Variants in PDE6B observed in about 807,000 individuals in gnomAD.
The protein encoded by PDE6B is phosphodiesterase 6B, also known as rod cGMP-specific 3',5'-cyclic phosphodiesterase subunit beta.
In PDE6B, 106 loss-of-function variants were observed where a neutral mutation model predicts 109.0. The ratio of observed to expected loss-of-function variants is 0.97; its 90% confidence interval spans 0.83 to 1.14. PDE6B has a LOEUF of 1.14. Ranked by LOEUF, PDE6B falls within the 50% of genes most tolerant of loss-of-function variation. The pLI, the probability that PDE6B is intolerant of heterozygous loss-of-function variation, is 0.00. For synonymous variants in PDE6B, 490 were observed against 471.3 expected (o/e 1.04, Z -0.51); for missense variants, 1,193 against 1,155.6 (o/e 1.03, Z -0.47).
Position 642,725 on chromosome 4 carries a change from C to CAAAAAAAAAAAAAAAAAAAAAAAAAAAA in PDE6B, c.711+6781_711+6782insAAAAAAAAAAAAAAAAAAAAAAAAAAAA, listed in dbSNP as rs71636506. ...CCAACCTGGACAACAGACACTGTCT[C>CAAAAAAAAAAAAAAAAAAAAAAAAAAAA]AAAAAAAAAAAAAAAAAAAAAAAAA... On this transcript the variant is annotated intron_variant, in intron 3 of 21. Coordinates refer to ENST00000496514, the MANE Select transcript of PDE6B (RefSeq NM_000283.4). Among the ~76,000 whole-genome samples the CAAAAAAAAAAAAAAAAAAAAAAAAAAAA allele has an allele frequency of 1.6e-4, 7 of 43,336 alleles. 1 individual carries two copies. The highest frequency in any genetic ancestry group is 6.5e-4 in the African/African-American group (7 of 10,704). 28.4% of individuals were successfully genotyped at this position (43,336 alleles called of 152,430 possible).
Position 658,999 on chromosome 4 carries a change from C to T in PDE6B, c.1449C>T (p.Asp483=), listed in dbSNP as rs202073030. ...LGKEPADCDE[D]ELGEILKEEL... is the part of the protein sequence containing the mutation. ...AGGAGCCTGCTGACTGCGATGAGGACGAGCTGGGCGAAATCCTGGTAAGAA... is the reference window on the plus strand; with the variant it reads ...AGGAGCCTGCTGACTGCGATGAGGATGAGCTGGGCGAAATCCTGGTAAGAA... The change falls in exon 11 of 22, where the codon GAC becomes GAT. Residue 483 remains aspartate, a synonymous_variant. Transcript: ENST00000496514. 1.7e-5 allele frequency: 27 copies of T among 1,613,218 alleles called. No individual in the cohort carries two copies. The highest frequency in any genetic ancestry group is 1.7e-4 in the Admixed American group (10 of 60,020).
chr4:669,556 A>G (rs1738248733), intron 21 of PDE6B, among the ~76,000 whole-genome samples: 1 of 59,578 alleles, frequency 1.7e-5, no homozygotes, highest in Admixed American at 1.6e-4. Flanking sequence ...CCGCTACGCC[A>G]TGCTATTCCC....
At chr4:644,369 TA>T (rs1735098818) in intron 3 of PDE6B, among the ~76,000 whole-genome samples, 1 of 152,052 alleles carries the variant, frequency 6.6e-6, no homozygotes, top group Non-Finnish European at 1.5e-5. Context: ...TCATTATTTT[TA>T]TTTTCAAAAT....
Position 665,243 on chromosome 4 carries a change from C to A in PDE6B, c.2194-12C>A. On this transcript the variant is annotated splice_polypyrimidine_tract_variant and intron_variant, in intron 18 of 21. Coordinates refer to ENST00000496514, the MANE Select transcript of PDE6B (RefSeq NM_000283.4). The surrounding 1 kb of genome is among the most constrained non-coding windows in gnomAD (Gnocchi z 4.0). ...CAGAGCTCCACAGACAGCTGCCTTCCTGTGCCTCCAGGTCGCACTTCTCGT... is the reference window on the plus strand; with the variant it reads ...CAGAGCTCCACAGACAGCTGCCTTCATGTGCCTCCAGGTCGCACTTCTCGT... The A allele has an allele frequency of 6.2e-7, 1 of 1,605,296 alleles. No individual in the cohort carries two copies. Among genetic ancestry groups the A allele is most frequent in the Non-Finnish European group, 8.5e-7 (1 of 1,172,818 alleles).
rs866539087 is a variant in PDE6B at position 663,714 on chromosome 4, G to A, written c.1921-56G>A. ...CCGAGGCGGAAGGGGCGGGGTCCCC[G>A]GGCACCCTGAGAGGTGGCCGCAGGG... On this transcript the variant is annotated intron_variant, in intron 15 of 21. Transcript: ENST00000496514. The surrounding 1 kb of genome is among the most constrained non-coding windows in gnomAD (Gnocchi z 4.0). 3.0e-6 allele frequency: 4 copies of A among 1,331,750 alleles called. No individual in the cohort carries two copies. The African/African-American group carries it at 4.4e-5, about 15-fold the overall frequency. 82.5% of individuals were successfully genotyped at this position (1,331,750 alleles called of 1,614,324 possible). A position where few individuals can be genotyped will look rare whatever the true frequency, so the allele number is the denominator to read the frequency against.
Position 663,175 on chromosome 4 carries a change from G to T in PDE6B, c.1908G>T (p.Leu636=). 1 of 1,595,668 alleles carries T rather than the reference G, an allele frequency of 6.3e-7. No individual in the cohort carries two copies. The highest frequency in any genetic ancestry group is 8.6e-7 in the Non-Finnish European group (1 of 1,163,176). ...ERHHLEFGKF[L]LSEETLNIYQ... is the part of the protein sequence containing the mutation. The stretch of plus-strand genomic sequence containing the variant: ...ACCACCTGGAGTTTGGGAAGTTCCT[G>T]CTCTCGGAGGAGGTTGGTATACTCA... The change falls in exon 15 of 22, where the codon CTG becomes CTT. Residue 636 remains leucine (L), a synonymous_variant. Transcript: ENST00000496514. The surrounding 1 kb of genome is among the most constrained non-coding windows in gnomAD (Gnocchi z 4.0).
rs1176210799 is a variant in PDE6B at position 666,692 on chromosome 4, C to T, written c.2352+78C>T. 2.1e-6 allele frequency: 2 copies of T among 936,108 alleles called. No homozygotes were observed. The highest frequency in any genetic ancestry group is 2.4e-5 in the East Asian group (1 of 41,234). The allele number at this position is 936,108 out of a possible 1,614,324, so 58.0% of individuals were successfully genotyped here. ...GGCAAGGGGGCGCGGGCTGGAGTCGCGTGGACTCACACGGGCCCGGCGGTG... is the reference window on the plus strand; with the variant it reads ...GGCAAGGGGGCGCGGGCTGGAGTCGTGTGGACTCACACGGGCCCGGCGGTG... On this transcript the variant is annotated intron_variant, in intron 20 of 21. Coordinates refer to ENST00000496514, the MANE Select transcript of PDE6B (RefSeq NM_000283.4). This position sits in a 1 kb window ranked among gnomAD's most constrained non-coding sequence, Gnocchi z 5.6.
At chr4:653,064 C>A in intron 3 of PDE6B, 1 of 452,072 alleles carries the variant, frequency 2.2e-6, no homozygotes, top group Non-Finnish European at 2.9e-6. Context: ...AATAAAGCTA[C>A]GAACATCTCA....
At chr4:653,293 G>A in intron 3 of PDE6B, 2 of 1,028,316 alleles carry the variant, frequency 1.9e-6, no homozygotes, top group African/African-American at 3.4e-5. Flanking sequence ...AGGAGGCAGA[G>A]AAAGGTGGCC....
intron 1 of PDE6B, among the ~76,000 whole-genome samples, chr4:631,341 T>C (rs1734373673): frequency 6.6e-6 from 1 of 152,216 alleles, no homozygotes; most frequent in Admixed American, 6.5e-5. Flanking sequence ...GAAGTGAGGC[T>C]GAACATTGAT....
intron 3 of PDE6B, among the ~76,000 whole-genome samples, chr4:637,378 G>A (rs1734741273): frequency 6.6e-6 from 1 of 152,000 alleles, no homozygotes; most frequent in South Asian, 2.1e-4. Context: ...GTGCCTCCAG[G>A]CCTGGCTAAT....
At chr4:656,204 C>A (rs749085958) in intron 7 of PDE6B, 41 bp from the exon 8 acceptor site, 1 of 1,411,232 alleles carries the variant, frequency 7.1e-7, no homozygotes, top group East Asian at 2.3e-5. Flanking sequence ...AACAGACCTT[C>A]CGCTGTTTTG....
chr4:635,360 C>T lies in PDE6B; in HGVS notation c.622-520C>T, dbSNP rs112455084. ...CTCCTTACCTGCCTGCCTGCCTGCC[C>T]GCGTGTTCTGTGCCACGCGTCTGCC... On this transcript the variant is annotated intron_variant, in intron 2 of 21. Coordinates refer to ENST00000496514, the MANE Select transcript of PDE6B (RefSeq NM_000283.4). 1.1e-3 allele frequency among the ~76,000 whole-genome samples: 114 copies of T among 103,560 alleles called. 1 individual carries two copies. The highest frequency in any genetic ancestry group is 5.1e-3 in the African/African-American group (107 of 21,012). 67.9% of individuals were successfully genotyped at this position (103,560 alleles called of 152,430 possible). A position where few individuals can be genotyped will look rare whatever the true frequency, so the allele number is the denominator to read the frequency against.
chr4:627,973 C>G (rs1734198401), intron 1 of PDE6B, among the ~76,000 whole-genome samples: 1 of 152,046 alleles, frequency 6.6e-6, no homozygotes, highest in Non-Finnish European at 1.5e-5. Flanking sequence ...TAGGTCCTGC[C>G]ACCCCCACCC....
Position 662,356 on chromosome 4 carries a change from G to A in PDE6B, c.1722+115G>A, listed in dbSNP as rs1379313358. On this transcript the variant is annotated intron_variant, in intron 13 of 21. Coordinates refer to ENST00000496514, the MANE Select transcript of PDE6B (RefSeq NM_000283.4). This position sits in a 1 kb window ranked among gnomAD's most constrained non-coding sequence, Gnocchi z 4.3. Reference sequence around the variant, plus strand: ...CTCCCAGGGCAGAAGGATGGAGGAGGGCAACGCCCTCTGACACCGTGCACC... The same window carrying A: ...CTCCCAGGGCAGAAGGATGGAGGAGAGCAACGCCCTCTGACACCGTGCACC... 4.9e-6 allele frequency: 4 copies of A among 822,920 alleles called. No homozygotes were observed. Among genetic ancestry groups the A allele is most frequent in the Non-Finnish European group, 6.2e-6 (3 of 485,858 alleles). The allele number at this position is 822,920 out of a possible 1,614,324, so 51.0% of individuals were successfully genotyped here.
In PDE6B at chr4:657,360, C is replaced by T. The variant is rs1736404481; in HGVS notation, c.1267C>T (p.Gln423Ter). 2 of 1,612,926 alleles carry T rather than the reference C, an allele frequency of 1.2e-6. No homozygotes were observed. Among genetic ancestry groups the T allele is most frequent in the East Asian group, 2.2e-5 (1 of 44,896 alleles). Residue 423 changes from glutamine to a stop codon, truncating the protein, a stop_gained, in exon 10 of 22, where the codon CAG (glutamine) becomes TAG (stop). Coordinates refer to ENST00000496514, the MANE Select transcript of PDE6B (RefSeq NM_000283.4). LOFTEE classifies it high-confidence loss of function. ...CTGCCATCCCCTCCAGTCCCTGACACAGTTCCTGGGCTGGTCAGTGATGAA... is the reference window on the plus strand; with the variant it reads ...CTGCCATCCCCTCCAGTCCCTGACATAGTTCCTGGGCTGGTCAGTGATGAA... The part of the protein sequence containing the change: ...QDEVLMESLT[Q>*]FLGWSVMNTD...
At chr4:635,832 GTCT>G in intron 2 of PDE6B, 45 bp from the exon 3 acceptor site, 1 of 996,508 alleles carries the variant, frequency 1.0e-6, no homozygotes, top group Non-Finnish European at 1.6e-6. Context: ...GGGGGCACAT[GTCT>G]GAAAACTGGA....
intron 3 of PDE6B, chr4:652,401 G>A (rs1379053157): frequency 2.0e-6 from 1 of 509,964 alleles, no homozygotes; most frequent in African/African-American, 2.1e-5. Flanking sequence ...TGGAAAGGGG[G>A]TTGCAGGAGG....
chr4:652,002 G>GGCTCCACGACGGTGACTGCGGCCAGGGCT, intron 3 of PDE6B: 2 of 179,972 alleles, frequency 1.1e-5, no homozygotes, highest in Non-Finnish European at 1.2e-5. Flanking sequence ...CGGCCAGGGC[G>GGCTCCACGACGGTGACTGCGGCCAGGGCT]GCTCCACGAC....
Sources: gnomAD v4.1 joint callset for allele counts (sites outside exome capture counted in the v4.1 genomes callset) on GRCh38, gnomAD v4.1.1 for gene constraint, Gnocchi (gnomAD v3.1) non-coding constraint, MANE v1.5 for transcripts, NCBI Gene and HGNC (gene_info 2026-07-23, HGNC 2026-07-21) for gene names.